Variants in MYO3A observed in about 807,000 individuals in gnomAD.
The protein encoded by MYO3A is myosin IIIA, also known as myosin-IIIa.
Under a neutral mutation model 192.7 loss-of-function variants are expected in MYO3A, and 180 were observed. The observed-to-expected ratio is 0.93, with a 90% CI of 0.83 to 1.06. The LOEUF is 1.06. MYO3A is among the 50% of genes least tolerant of loss of function. MYO3A has a pLI of 0.00. For missense variants in MYO3A, 1,896 were observed against 1,905.0 expected, an observed-to-expected ratio of 1.00 and a Z score of 0.09; for synonymous variants, 628 against 645.3, an observed-to-expected ratio of 0.97 and a Z score of 0.41.
chr10:26,053,264 G>T (rs1038661978), intron 10 of MYO3A, among the ~76,000 whole-genome samples: 2 of 152,058 alleles, frequency 1.3e-5, no homozygotes, highest in Non-Finnish European at 2.9e-5. Flanking sequence ...TATTTAATTT[G>T]TTTATAACCA....
intron 26 of MYO3A, among the ~76,000 whole-genome samples, chr10:26,164,811 C>T (rs1351432989): frequency 6.6e-6 from 1 of 152,130 alleles, no homozygotes; most frequent in Non-Finnish European, 1.5e-5. Flanking sequence ...CTAAGGGTGG[C>T]TCCTGCGATG....
intron 4 of MYO3A, among the ~76,000 whole-genome samples, chr10:25,967,222 C>T (rs1414155795): frequency 1.3e-5 from 2 of 152,186 alleles, no homozygotes; most frequent in Non-Finnish European, 2.9e-5. Flanking sequence ...AGTGTGACTT[C>T]AGGCAGTTTG....
At chr10:25,957,217 G>A (rs186800712) in intron 4 of MYO3A, among the ~76,000 whole-genome samples, 1 of 152,264 alleles carries the variant, frequency 6.6e-6, no homozygotes, top group African/African-American at 2.4e-5. Context: ...CCAGTGGGAA[G>A]TAACTGAATC....
intron 29 of MYO3A, among the ~76,000 whole-genome samples, chr10:26,172,107 G>A (rs886962437): frequency 1.3e-5 from 2 of 152,242 alleles, no homozygotes; most frequent in Non-Finnish European, 2.9e-5. Context: ...GAGGCAGAAA[G>A]TCAAGGGAAG....
At chr10:26,070,533 A>G in intron 14 of MYO3A, 132 bp downstream of exon 14, 1 of 837,400 alleles carries the variant, frequency 1.2e-6, no homozygotes, top group Non-Finnish European at 1.9e-6. Context: ...TACAGTTGTT[A>G]TCCTTTGAGA....
At chr10:25,962,012 C>G (rs996264103) in intron 4 of MYO3A, among the ~76,000 whole-genome samples, 5 of 152,076 alleles carry the variant, frequency 3.3e-5, no homozygotes, top group Non-Finnish European at 7.4e-5. Context: ...TGTATCAGAG[C>G]AATGAGTTAC....
At chr10:26,136,973 G>C (rs534360625) in intron 20 of MYO3A, among the ~76,000 whole-genome samples, 1 of 151,834 alleles carries the variant, frequency 6.6e-6, no homozygotes, top group African/African-American at 2.4e-5. Flanking sequence ...AGCAGAGTTC[G>C]TGCCACTGCA....
intron 4 of MYO3A, among the ~76,000 whole-genome samples, chr10:25,979,648 A>G (rs1258452593): frequency 2.6e-5 from 4 of 152,204 alleles, no homozygotes; most frequent in Admixed American, 1.3e-4. Context: ...GTGAAATTCT[A>G]TAGTACTTTG....
In MYO3A at chr10:25,998,498, G is replaced by T. The variant is rs562134604; in HGVS notation, c.508+1240G>T. On this transcript the variant is annotated intron_variant, in intron 6 of 34. Transcript: ENST00000642920. Reference sequence around the variant, plus strand: ...GGGGTGCAGCTAGTCTATGTTTCTGGTTGAATTCAGAGCCTTGAGCAATCT... The same window carrying T: ...GGGGTGCAGCTAGTCTATGTTTCTGTTTGAATTCAGAGCCTTGAGCAATCT... Among the ~76,000 whole-genome samples, 3 of 152,152 alleles carry T rather than the reference G, an allele frequency of 2.0e-5. No homozygotes were observed. The South Asian group carries it at 6.2e-4, about 32-fold the overall frequency.
chr10:26,110,200 G>A (rs2131635002), intron 17 of MYO3A, among the ~76,000 whole-genome samples: 1 of 152,182 alleles, frequency 6.6e-6, no homozygotes, highest in South Asian at 2.1e-4. Flanking sequence ...GACCCTACCT[G>A]GAACTTTGGA....
At chr10:25,944,426 A>G (rs1836702489) in intron 2 of MYO3A, among the ~76,000 whole-genome samples, 1 of 152,012 alleles carries the variant, frequency 6.6e-6, no homozygotes, top group South Asian at 2.1e-4. Flanking sequence ...TGAGTTAGGA[A>G]GTGTGCCCTC....
At chr10:26,138,204 A>T (rs1839959651) in intron 20 of MYO3A, among the ~76,000 whole-genome samples, 1 of 152,146 alleles carries the variant, frequency 6.6e-6, no homozygotes, top group Non-Finnish European at 1.5e-5. Context: ...GGTCCTACTG[A>T]TATGTGAGGT....
At chr10:25,962,879 C>T (rs1460972932) in intron 4 of MYO3A, among the ~76,000 whole-genome samples, 4 of 152,140 alleles carry the variant, frequency 2.6e-5, no homozygotes, top group African/African-American at 9.7e-5. Context: ...TAATTTTCCC[C>T]TTCTTGGTTG....
rs1243200895 is a variant in MYO3A, at chr10:26,157,379, A to G, written c.2863A>G (p.Asn955Asp). ...TCATTTTGTCCGTTGCATCAAACCAAATAGTGAGCGTCAGGCAAGAAAATA... is the reference window on the plus strand; with the variant it reads ...TCATTTTGTCCGTTGCATCAAACCAGATAGTGAGCGTCAGGCAAGAAAATA... ...QPHFVRCIKP[N>D]SERQARKYDK... Residue 955 changes from asparagine to aspartate, a missense_variant, in exon 26 of 35, where the codon AAT (asparagine) becomes GAT (aspartate). By Grantham distance (23) the Asn-to-Asp change is conservative. Coordinates refer to ENST00000642920, the MANE Select transcript of MYO3A (RefSeq NM_017433.5). 5 of 1,614,186 alleles carry G rather than the reference A, an allele frequency of 3.1e-6. No homozygotes were observed. The highest frequency in any genetic ancestry group is 4.2e-6 in the Non-Finnish European group (5 of 1,180,022).
In MYO3A at chr10:26,168,755, G is replaced by A. The variant is rs267602452; in HGVS notation, c.3155G>A (p.Arg1052Gln). ...CACGTGGAGCAGTTAAATCTAATGCGAAAGGAAGCTATTGACAAGCTTATT... is the reference window on the plus strand; with the variant it reads ...CACGTGGAGCAGTTAAATCTAATGCAAAAGGAAGCTATTGACAAGCTTATT... Reference protein sequence around the residue: ...YYHVEQLNLMRKEAIDKLILI... With the variant: ...YYHVEQLNLMQKEAIDKLILI... Residue 1052 changes from arginine (R) to glutamine (Q), a missense_variant, in exon 28 of 35, where the codon CGA becomes CAA. Transcript: ENST00000642920. The A allele has an allele frequency of 2.7e-5, 44 of 1,613,300 alleles. 1 individual carries two copies. The South Asian group carries it at 2.7e-4, about 10-fold the overall frequency.
chr10:26,112,959 C>T (rs1277556682), intron 17 of MYO3A, among the ~76,000 whole-genome samples: 1 of 152,036 alleles, frequency 6.6e-6, no homozygotes, highest in Non-Finnish European at 1.5e-5. Flanking sequence ...GTTTTTTGCA[C>T]AAATTTATGT....
intron 26 of MYO3A, among the ~76,000 whole-genome samples, chr10:26,159,052 G>A (rs1168426269): frequency 6.6e-6 from 1 of 150,598 alleles, no homozygotes; most frequent in African/African-American, 2.4e-5. Context: ...CTGTTGCCCA[G>A]GCTGGAGTGC....
intron 32 of MYO3A, among the ~76,000 whole-genome samples, chr10:26,199,519 G>A (rs1001148799): frequency 3.9e-5 from 6 of 152,022 alleles, no homozygotes; most frequent in Middle Eastern, 3.4e-3. Context: ...GCAGTGAGCC[G>A]AGATTGCACT....
chr10:25,995,319 C>T (rs1840354106), intron 4 of MYO3A, among the ~76,000 whole-genome samples: 1 of 152,210 alleles, frequency 6.6e-6, no homozygotes, highest in Admixed American at 6.5e-5. Context: ...CTTGTGCATT[C>T]ATCATGTAGT....
Sources: gnomAD v4.1 joint callset for allele counts (sites outside exome capture counted in the v4.1 genomes callset) on GRCh38, gnomAD v4.1.1 for gene constraint, MANE v1.5 for transcripts, NCBI Gene and HGNC (gene_info 2026-07-23, HGNC 2026-07-21) for gene names.